Variants in TBX5 observed in about 807,000 individuals in gnomAD.
TBX5 encodes the protein T-box transcription factor TBX5.
In TBX5, 8 loss-of-function variants were observed where a neutral mutation model predicts 51.1. The observed-to-expected ratio is 0.16, with a 90% CI of 0.09 to 0.28. TBX5 has a LOEUF of 0.28. Ranked by LOEUF, TBX5 falls within the 10% of genes least tolerant of loss-of-function variation. The probability of loss-of-function intolerance (pLI) is 1.00; values close to 1 mark genes in which losing one functional copy is unlikely to be tolerated. For missense variants in TBX5, 589 were observed against 671.7 expected (o/e 0.88, Z 1.36); for synonymous variants, 302 against 266.4 (o/e 1.13, Z -1.30).
rs552724647 is a variant in TBX5, at chr12:114,355,237, A to G, written c.*295T>C. 1.7e-5 allele frequency: 8 copies of G among 463,132 alleles called. No homozygotes were observed. In the East Asian group the frequency reaches 3.7e-4, roughly 22 times the overall value. The allele number at this position is 463,132 out of a possible 1,614,324, so 28.7% of individuals were successfully genotyped here. A position where few individuals can be genotyped will look rare whatever the true frequency, so the allele number is the denominator to read the frequency against. Reference sequence around the variant, plus strand: ...AAGGAATGGGGGAAGAGATCTGGGGAGTAGCGTGAATGTGGCTGGTTGATG... The same window carrying G: ...AAGGAATGGGGGAAGAGATCTGGGGGGTAGCGTGAATGTGGCTGGTTGATG... On this transcript the variant is annotated 3_prime_UTR_variant, in exon 9 of 9. Coordinates refer to ENST00000405440, the MANE Select transcript of TBX5 (RefSeq NM_181486.4).
chr12:114,401,596 C>G (rs1871814163), intron 3 of TBX5, among the ~76,000 whole-genome samples: 1 of 152,186 alleles, frequency 6.6e-6, no homozygotes, highest in South Asian at 2.1e-4. Flanking sequence ...GCTTGAACTT[C>G]TGGAGTATTT....
intron 6 of TBX5, among the ~76,000 whole-genome samples, chr12:114,393,058 T>A (rs1365158398): frequency 6.6e-6 from 1 of 152,166 alleles, no homozygotes; most frequent in African/African-American, 2.4e-5. Context: ...AATCTGGATT[T>A]GGAGATTAGC....
chr12:114,403,163 G>C (rs1044353193), intron 2 of TBX5, among the ~76,000 whole-genome samples: 1 of 152,260 alleles, frequency 6.6e-6, no homozygotes, highest in African/African-American at 2.4e-5. Context: ...GGTGCCCTCC[G>C]GGCAGAGCTC....
intron 8 of TBX5, 64 bp from the exon 9 acceptor site, chr12:114,356,170 C>G: frequency 6.6e-7 from 1 of 1,523,718 alleles, no homozygotes; most frequent in Non-Finnish European, 9.0e-7. Flanking sequence ...AAAGTGGAGA[C>G]AGTTATTTGG....
chr12:114,377,118 G>C (rs1870235964), intron 7 of TBX5, among the ~76,000 whole-genome samples: 1 of 152,198 alleles, frequency 6.6e-6, no homozygotes, highest in Non-Finnish European at 1.5e-5. Context: ...CATGTGGCTA[G>C]GTAAATTACA....
Position 114,366,320 on chromosome 12 carries a change from C to T in TBX5, c.827G>A (p.Ser276Asn), listed in dbSNP as rs147977741. 7.8e-4 allele frequency: 1,266 copies of T among 1,614,050 alleles called. 1 individual carries two copies. Among genetic ancestry groups the T allele is most frequent in the Non-Finnish European group, 9.6e-4 (1,134 of 1,179,992 alleles). The stretch of plus-strand genomic sequence containing the variant: ...TGAGGTGGAGAGAGCTCGAGACTCG[C>T]TGCTGAAAGGACTGTGGTTGGAGGC... Reference protein sequence around the residue: ...KVASNHSPFSSESRALSTSSN... With the variant: ...KVASNHSPFSNESRALSTSSN... Residue 276 changes from serine (S) to asparagine (N), a missense_variant, in exon 8 of 9, where the codon AGC (serine) becomes AAC (asparagine). Coordinates refer to ENST00000405440, the MANE Select transcript of TBX5 (RefSeq NM_181486.4).
At chr12:114,365,631 C>G (rs997241111) in intron 8 of TBX5, among the ~76,000 whole-genome samples, 1 of 152,006 alleles carries the variant, frequency 6.6e-6, no homozygotes, top group Non-Finnish European at 1.5e-5. Flanking sequence ...GAGGTTTAGA[C>G]AAGCCTGGGC....
intron 7 of TBX5, among the ~76,000 whole-genome samples, chr12:114,382,822 A>C (rs1378192228): frequency 6.6e-6 from 1 of 151,806 alleles, no homozygotes; most frequent in Non-Finnish European, 1.5e-5. Flanking sequence ...ATAAAATAAA[A>C]ACATACAAAT....
intron 7 of TBX5, among the ~76,000 whole-genome samples, chr12:114,380,065 C>T (rs867233337): frequency 2.6e-5 from 4 of 152,108 alleles, no homozygotes; most frequent in African/African-American, 4.8e-5. Context: ...TAGACCCTTG[C>T]CCACTTCTTC....
In TBX5 at chr12:114,403,910, G is replaced by A. The variant is rs777370158; in HGVS notation, c.-12C>T. On this transcript the variant is annotated 5_prime_UTR_variant, in exon 2 of 9. Transcript: ENST00000405440. ...TCTGCGTCGGCCATGGTGCGCCCAG[G>A]GCCCTGTGCCCGCGCAAGGTTCTGC... 1.2e-6 allele frequency: 2 copies of A among 1,610,334 alleles called. No homozygotes were observed. Among genetic ancestry groups the A allele is most frequent in the East Asian group, 2.2e-5 (1 of 44,846 alleles).
At chr12:114,370,637 C>CT (rs1869843755) in intron 7 of TBX5, among the ~76,000 whole-genome samples, 6 of 112,966 alleles carry the variant, frequency 5.3e-5, no homozygotes, top group African/African-American at 1.7e-4. Flanking sequence ...GATGATCTCT[C>CT]CCTCTCTCTC....
intron 2 of TBX5, among the ~76,000 whole-genome samples, chr12:114,402,475 T>G (rs1286375205): frequency 6.6e-6 from 1 of 152,168 alleles, no homozygotes; most frequent in Non-Finnish European, 1.5e-5. Context: ...CCATGGTGAG[T>G]GCAAACCTGA....
intron 6 of TBX5, among the ~76,000 whole-genome samples, chr12:114,389,266 T>C (rs1204158771): frequency 6.6e-6 from 1 of 152,010 alleles, no homozygotes; most frequent in Non-Finnish European, 1.5e-5. Context: ...AGTAGAAAAA[T>C]CTATAAAATC....
At chr12:114,382,932 G>A (rs987208481) in intron 7 of TBX5, among the ~76,000 whole-genome samples, 6 of 150,058 alleles carry the variant, frequency 4.0e-5, no homozygotes, top group Non-Finnish European at 7.4e-5. Flanking sequence ...ACCTGAGATC[G>A]TGCCACTGCA....
At chr12:114,358,581 C>T (rs1174891492) in intron 8 of TBX5, among the ~76,000 whole-genome samples, 6 of 151,970 alleles carry the variant, frequency 3.9e-5, no homozygotes, top group Non-Finnish European at 8.8e-5. Context: ...AGCAAGTAAA[C>T]TTATTTCCAC....
chr12:114,382,100 T>C (rs929889814), intron 7 of TBX5, among the ~76,000 whole-genome samples: 21 of 152,160 alleles, frequency 1.4e-4, no homozygotes, highest in African/African-American at 5.1e-4. Flanking sequence ...TGCCTAAATA[T>C]ATAAACAGTT....
Position 114,399,629 on chromosome 12 carries a change from C to G in TBX5, c.246G>C (p.Arg82=). 1 of 1,614,112 alleles carries G rather than the reference C, an allele frequency of 6.2e-7. No homozygotes were observed. The highest frequency in any genetic ancestry group is 2.2e-5 in the East Asian group (1 of 44,882). ...TEMIITKAGR[R]MFPSYKVKVT... Reference sequence around the variant, plus strand: ...CCTTCACTTTGTAACTGGGAAACATCCGCCTAAGAGAGAGGGACGGAGGGA... The same window carrying G: ...CCTTCACTTTGTAACTGGGAAACATGCGCCTAAGAGAGAGGGACGGAGGGA... Residue 82 remains arginine (R), a synonymous_variant, in exon 4 of 9, where the codon CGG becomes CGC. Transcript: ENST00000405440.
chr12:114,366,413 A>T (rs1245609842), intron 7 of TBX5, 22 bp from the exon 8 acceptor site: 8 of 1,610,930 alleles, frequency 5.0e-6, no homozygotes, highest in Non-Finnish European at 3.4e-6. Flanking sequence ...AAGATGGGAG[A>T]TAACGCCTAT....
rs16944123 is a variant in TBX5, at chr12:114,368,411, G to T, written c.756-2020C>A. Among the ~76,000 whole-genome samples the T allele has an allele frequency of 3.9e-3, 596 of 152,172 alleles. 5 individuals are homozygous for T. Among genetic ancestry groups the T allele is most frequent in the African/African-American group, 0.013 (537 of 41,478 alleles). On this transcript the variant is annotated intron_variant, in intron 7 of 8. Coordinates refer to ENST00000405440, the MANE Select transcript of TBX5 (RefSeq NM_181486.4). ...GAGTATACCTGAAATAATATCATGC[G>T]CAAAGAGCTACACGTAACGCATTTT...
Sources: gnomAD v4.1 joint callset for allele counts (sites outside exome capture counted in the v4.1 genomes callset) on GRCh38, gnomAD v4.1.1 for gene constraint, MANE v1.5 for transcripts, NCBI Gene and HGNC (gene_info 2026-07-23, HGNC 2026-07-21) for gene names.